The following GLYR1 variants were observed in gnomAD, a reference collection of about 807,000 sequenced individuals.
GLYR1 encodes glyoxylate reductase 1 homolog.
A neutral mutation model predicts 72.7 loss-of-function variants in GLYR1; 21 were observed. That is an observed-to-expected ratio of 0.29 (90% confidence interval 0.20 to 0.42). The LOEUF is 0.42. Ranked by LOEUF, GLYR1 falls within the 10% of genes least tolerant of loss-of-function variation. The probability of loss-of-function intolerance (pLI) is 1.00; values close to 1 mark genes in which losing one functional copy is unlikely to be tolerated. For missense variants in GLYR1, 594 were observed against 712.1 expected (o/e 0.83, Z 1.89); for synonymous variants, 392 against 270.2 (o/e 1.45, Z -4.42).
intron 3 of GLYR1, among the ~76,000 whole-genome samples, chr16:4,838,257 CAGCT>C (rs202172378): frequency 0.01 from 1,559 of 152,262 alleles, 37 homozygotes; most frequent in African/African-American, 0.035. Context: ...TCTTCTAGAG[CAGCT>C]ACTTTCAGTA....
At chr16:4,829,489 T>C (rs1046246210) in intron 5 of GLYR1, among the ~76,000 whole-genome samples, 5 of 151,594 alleles carry the variant, frequency 3.3e-5, no homozygotes, top group Non-Finnish European at 5.9e-5. Context: ...TTGTTTCTTT[T>C]TTTGTTGTTT....
At chr16:4,824,498 CAAAAAAAA>C (rs142627380) in intron 5 of GLYR1, among the ~76,000 whole-genome samples, 1 of 95,154 alleles carries the variant, frequency 1.1e-5, no homozygotes, top group South Asian at 3.4e-4. Context: ...GACTCCATCT[CAAAAAAAA>C]AAAAAAAAAG....
chr16:4,822,884 T>A lies in GLYR1; in HGVS notation c.672A>T (p.Gln224His). ...CTCAAAGGCAACTCACCTTCTCTGT[T>A]TGGCTTAGCAGGAAATGATGGAAAT... ...DPHFHHFLLS[Q>H]TEKPAVCYQA... The change falls in exon 7 of 16, where the codon CAA (glutamine) becomes CAT (histidine). Residue 224 changes from glutamine to histidine, a missense_variant. Gln to His is a conservative substitution (Grantham distance 24, BLOSUM62 0). This residue lies in a region of GLYR1 where 252 missense variants were observed against 211.3 expected (regional missense o/e 1.19). Coordinates refer to ENST00000321919, the MANE Select transcript of GLYR1 (RefSeq NM_032569.4). The A allele has an allele frequency of 6.2e-7, 1 of 1,614,170 alleles. No homozygotes were observed. Among genetic ancestry groups the A allele is most frequent in the Non-Finnish European group, 8.5e-7 (1 of 1,180,002 alleles).
intron 15 of GLYR1, among the ~76,000 whole-genome samples, chr16:4,809,549 T>C (rs1468846215): frequency 6.7e-6 from 1 of 150,070 alleles, no homozygotes; most frequent in African/African-American, 2.5e-5. Flanking sequence ...GAGACGAAGC[T>C]TGCAGTGAGC....
intron 1 of GLYR1, chr16:4,846,557 C>G (rs2086096183): frequency 3.4e-6 from 1 of 293,170 alleles, no homozygotes; most frequent in South Asian, 3.5e-5. Flanking sequence ...ACCTGCCTGG[C>G]TTTGACAAAT....
Position 4,846,930 on chromosome 16 carries a change from T to C in GLYR1, c.38+298A>G. 4.4e-6 allele frequency: 2 copies of C among 456,368 alleles called. 1 individual carries two copies. Among genetic ancestry groups the C allele is most frequent in the South Asian group, 5.7e-5 (2 of 35,130 alleles). The allele number at this position is 456,368 out of a possible 1,614,324, so 28.3% of individuals were successfully genotyped here. A position where few individuals can be genotyped will look rare whatever the true frequency, so the allele number is the denominator to read the frequency against. ...CGGGGACCGGTCGTCCGGGGAAGCC[T>C]CGCGGCACCGGCGGCTCCCTTCACG... On this transcript the variant is annotated intron_variant, in intron 1 of 15. Coordinates refer to ENST00000321919, the MANE Select transcript of GLYR1 (RefSeq NM_032569.4).
chr16:4,844,701 C>T (rs879633008), intron 3 of GLYR1, among the ~76,000 whole-genome samples: 8 of 152,154 alleles, frequency 5.3e-5, no homozygotes, highest in African/African-American at 1.4e-4. Flanking sequence ...GCAGAGGTTG[C>T]GGTGAACTGA....
intron 4 of GLYR1, 153 bp from the exon 5 acceptor site, chr16:4,832,374 G>A: frequency 1.1e-6 from 1 of 905,048 alleles, no homozygotes; most frequent in African/African-American, 1.7e-5. Context: ...CCAGACATTG[G>A]GAGAAGCAGA....
At chr16:4,806,573 G>C (rs1400049027) in intron 15 of GLYR1, among the ~76,000 whole-genome samples, 1 of 151,146 alleles carries the variant, frequency 6.6e-6, no homozygotes, top group Non-Finnish European at 1.5e-5. Context: ...TTGCTATGTT[G>C]CCCAGGCTGG....
rs371410197 is a variant in GLYR1 at position 4,822,842 on chromosome 16, G to C, written c.681+33C>G. ...GAGGAGCACTCCTTGGCCAGCCCCT[G>C]ACCAAGGGCCAAGAGCCTCAAAGGC... On this transcript the variant is annotated intron_variant, in intron 7 of 15. Transcript: ENST00000321919. 6 of 1,599,732 alleles carry C rather than the reference G, an allele frequency of 3.8e-6. No homozygotes were observed. In the Admixed American group the frequency reaches 8.3e-5, roughly 22 times the overall value.
chr16:4,846,442 G>T (rs1385711780), intron 1 of GLYR1, among the ~76,000 whole-genome samples: 2 of 152,222 alleles, frequency 1.3e-5, no homozygotes, highest in African/African-American at 4.8e-5. Context: ...CAACACAACT[G>T]TCAAAAGTCA....
chr16:4,817,178 G>A (rs1209381413), intron 10 of GLYR1, among the ~76,000 whole-genome samples: 1 of 151,162 alleles, frequency 6.6e-6, no homozygotes, highest in African/African-American at 2.4e-5. Flanking sequence ...GGAGTGCAGT[G>A]GCGCGATCTC....
chr16:4,847,182 G>T, intron 1 of GLYR1, 46 bp downstream of exon 1: 1 of 1,555,700 alleles, frequency 6.4e-7, no homozygotes, highest in Non-Finnish European at 8.8e-7. Context: ...CGCCCAGGCG[G>T]GTAGCTCCCC....
chr16:4,832,601 G>A, intron 4 of GLYR1, 173 bp downstream of exon 4: 1 of 770,478 alleles, frequency 1.3e-6, no homozygotes, highest in Non-Finnish European at 2.1e-6. Context: ...AAGGTTAGCT[G>A]CATGGAGTTT....
At chr16:4,841,247 A>T (rs1245082209) in intron 3 of GLYR1, among the ~76,000 whole-genome samples, 1 of 151,598 alleles carries the variant, frequency 6.6e-6, no homozygotes, top group African/African-American at 2.4e-5. Flanking sequence ...AATTAACTCA[A>T]CTCCAATTTT....
chr16:4,804,634 T>C lies in GLYR1; in HGVS notation c.*602A>G, dbSNP rs1596287758. On this transcript the variant is annotated 3_prime_UTR_variant, in exon 16 of 16. Transcript: ENST00000321919. ...CGTCTATGGAGCGCTGGGTGCACAC[T>C]GGACGCTTAGACGTGAACATCTTTC... The C allele has an allele frequency of 6.4e-6, 1 of 155,848 alleles. No individual in the cohort carries two copies. The highest frequency in any genetic ancestry group is 2.4e-5 in the African/African-American group (1 of 41,624). 9.7% of individuals were successfully genotyped at this position (155,848 alleles called of 1,614,324 possible). A position where few individuals can be genotyped will look rare whatever the true frequency, so the allele number is the denominator to read the frequency against.
intron 6 of GLYR1, among the ~76,000 whole-genome samples, chr16:4,823,517 T>A (rs552578077): frequency 6.6e-6 from 1 of 152,236 alleles, no homozygotes; most frequent in South Asian, 2.1e-4. Context: ...AAAAAACTTG[T>A]GGAATCATCC....
intron 3 of GLYR1, 181 bp from the exon 4 acceptor site, chr16:4,833,093 T>C: frequency 2.1e-6 from 1 of 475,104 alleles, no homozygotes; most frequent in Non-Finnish European, 3.6e-6. Flanking sequence ...AAAGTATATT[T>C]TCTTGAAACA....
intron 4 of GLYR1, 157 bp from the exon 5 acceptor site, chr16:4,832,378 A>C (rs2084856937): frequency 2.3e-6 from 2 of 863,318 alleles, no homozygotes; most frequent in African/African-American, 1.7e-5. Context: ...ACATTGGGAG[A>C]AGCAGATTTA....
Sources: allele counts gnomAD v4.1 joint callset (sites outside exome capture counted in the v4.1 genomes callset), GRCh38; gene constraint gnomAD v4.1.1; regional missense constraint gnomAD v4.1.1; transcripts MANE v1.5; gene names NCBI Gene and HGNC (gene_info 2026-07-23, HGNC 2026-07-21).